Variants in RASEF observed in about 807,000 individuals in gnomAD.
RASEF encodes the protein RAS and EF-hand domain containing.
Under a neutral mutation model 90.1 loss-of-function variants are expected in RASEF, and 68 were observed. The ratio of observed to expected loss-of-function variants is 0.75; its 90% confidence interval spans 0.62 to 0.92. The LOEUF (loss-of-function observed/expected upper bound fraction) is 0.92, where lower values mean the gene tolerates loss of function less well. Ranked by LOEUF, RASEF falls within the 40% of genes least tolerant of loss-of-function variation. RASEF has a pLI of 0.00. For synonymous variants in RASEF, 331 were observed against 345.2 expected (o/e 0.96, Z 0.46); for missense variants, 949 against 937.2 (o/e 1.01, Z -0.16).
intron 1 of RASEF, among the ~76,000 whole-genome samples, chr9:83,044,244 G>A (rs1446998333): frequency 6.6e-6 from 1 of 152,194 alleles, no homozygotes; most frequent in Non-Finnish European, 1.5e-5. Context: ...GGAAGGAGAA[G>A]AAGAAGGGAA....
rs62561902 is a variant in RASEF at position 83,046,262 on chromosome 9, T to C, written c.431+16175A>G. Among the ~76,000 whole-genome samples the C allele has an allele frequency of 9.2e-3, 1,396 of 152,282 alleles. 5 individuals are homozygous for C. Among genetic ancestry groups the C allele is most frequent in the Middle Eastern group, 0.02 (6 of 294 alleles). ...GGTATTCTGAACTACTGTATTTCTA[T>C]GTCTATTAAGAATCTCGCATGACTT... On this transcript the variant is annotated intron_variant, in intron 1 of 16. Coordinates refer to ENST00000376447, the MANE Select transcript of RASEF (RefSeq NM_152573.4).
chr9:83,195,853 T>C, the RASEF span, among the ~76,000 whole-genome samples: 1 of 151,964 alleles, frequency 6.6e-6, no homozygotes, highest in Non-Finnish European at 1.5e-5. Context: ...TTTCTTGCTT[T>C]TTAGGAATCA....
chr9:83,156,079 A>G, the RASEF span, among the ~76,000 whole-genome samples: 1 of 152,322 alleles, frequency 6.6e-6, no homozygotes, highest in South Asian at 2.1e-4. Flanking sequence ...TGGCCCATGC[A>G]TCATATCTGG....
At chr9:83,128,891 G>A in the RASEF span, among the ~76,000 whole-genome samples, 8 of 152,166 alleles carry the variant, frequency 5.3e-5, no homozygotes, top group Non-Finnish European at 8.8e-5. Context: ...GAGGTTTCCA[G>A]CTGACAAAGT....
chr9:82,983,982 G>T (rs1232706453), intron 16 of RASEF, among the ~76,000 whole-genome samples: 1 of 152,178 alleles, frequency 6.6e-6, no homozygotes. Flanking sequence ...AGCCACCTCT[G>T]CCAACTGTGA....
chr9:83,055,498 C>G (rs919946651), intron 1 of RASEF: 7 of 690,452 alleles, frequency 1.0e-5, no homozygotes. Flanking sequence ...CAGAAATCAC[C>G]CGTCTTCTGC....
chr9:83,144,655 G>T, the RASEF span, among the ~76,000 whole-genome samples: 1 of 152,108 alleles, frequency 6.6e-6, no homozygotes, highest in South Asian at 2.1e-4. Context: ...AAAGAGCACA[G>T]TACATCCAGG....
chr9:83,172,013 T>C, the RASEF span, among the ~76,000 whole-genome samples: 4 of 151,950 alleles, frequency 2.6e-5, no homozygotes, highest in Non-Finnish European at 4.4e-5. Context: ...GTTGTTTATT[T>C]GAAGTCTTTC....
At chr9:83,122,565 C>T in the RASEF span, among the ~76,000 whole-genome samples, 1 of 152,020 alleles carries the variant, frequency 6.6e-6, no homozygotes, top group Non-Finnish European at 1.5e-5. Context: ...CGTGAGAGAG[C>T]GGGAGGTACC....
rs1196032861 is a variant in RASEF at position 83,062,855 on chromosome 9, CA to C, written c.12del (p.Asp4GlufsTer159). 6.6e-7 allele frequency: 1 copy of C among 1,514,718 alleles called. No homozygotes were observed. 93.8% of individuals were successfully genotyped at this position (1,514,718 alleles called of 1,614,324 possible). ...AGCCGGGCCAGCTCCTCTCCGTCCC[CA>C]TCCGCCTCCATCCCGCCTGGCGGGG... MEA[D>X]GDGEELARLR... On this transcript the variant is annotated frameshift_variant, in exon 1 of 17. Coordinates refer to ENST00000376447, the MANE Select transcript of RASEF (RefSeq NM_152573.4). LOFTEE classifies it high-confidence loss of function.
chr9:83,039,978 C>T (rs73469484), intron 1 of RASEF, among the ~76,000 whole-genome samples: 4,426 of 152,150 alleles, frequency 0.029, 199 homozygotes, highest in African/African-American at 0.1. Context: ...TGGAAGGTAA[C>T]TGAATCACGG....
At chr9:83,147,034 A>ATG in the RASEF span, among the ~76,000 whole-genome samples, 2 of 108,102 alleles carry the variant, frequency 1.9e-5, no homozygotes, top group Admixed American at 9.6e-5. Context: ...GTGTGTATAT[A>ATG]TATATGTATA....
At chr9:83,047,648 T>C (rs577621618) in intron 1 of RASEF, among the ~76,000 whole-genome samples, 1 of 152,260 alleles carries the variant, frequency 6.6e-6, no homozygotes, top group African/African-American at 2.4e-5. Context: ...AACCTGGAAG[T>C]AGAAAATATT....
chr9:83,148,410 A>C, the RASEF span, among the ~76,000 whole-genome samples: 1 of 152,174 alleles, frequency 6.6e-6, no homozygotes, highest in Non-Finnish European at 1.5e-5. Context: ...AAATTTGGAT[A>C]CAGGAACACT....
the RASEF span, among the ~76,000 whole-genome samples, chr9:83,099,984 T>A: frequency 3.3e-5 from 5 of 152,232 alleles, no homozygotes; most frequent in African/African-American, 1.2e-4. Context: ...ATTTAAGATA[T>A]CAAGCAATCC....
intron 1 of RASEF, chr9:83,054,643 T>C (rs1009163835): frequency 2.0e-5 from 3 of 148,842 alleles, no homozygotes; most frequent in Admixed American, 6.6e-5. Context: ...GTTTCCAGTT[T>C]TTCTGTTCTG....
At chr9:83,029,127 T>A (rs1053257391) in intron 1 of RASEF, among the ~76,000 whole-genome samples, 1 of 152,162 alleles carries the variant, frequency 6.6e-6, no homozygotes, top group Non-Finnish European at 1.5e-5. Flanking sequence ...ACAAATACCA[T>A]ATAGGGCCCA....
At chr9:83,069,789 A>G in the RASEF span, among the ~76,000 whole-genome samples, 1 of 152,240 alleles carries the variant, frequency 6.6e-6, no homozygotes, top group East Asian at 1.9e-4. Flanking sequence ...CTGAAATGTA[A>G]GAGAATTCCA....
chr9:83,105,644 C>T, the RASEF span, among the ~76,000 whole-genome samples: 248 of 152,224 alleles, frequency 1.6e-3, 2 homozygotes, highest in African/African-American at 5.7e-3. Context: ...AAAAGGAAAA[C>T]GCATGGTATA....
Sources: allele counts gnomAD v4.1 joint callset (sites outside exome capture counted in the v4.1 genomes callset), GRCh38; gene constraint gnomAD v4.1.1; transcripts MANE v1.5; gene names NCBI Gene and HGNC (gene_info 2026-07-23, HGNC 2026-07-21).